IL1RAPL2: variants seen among roughly 807,000 people sequenced by gnomAD.
IL1RAPL2 encodes the protein interleukin 1 receptor accessory protein like 2.
A neutral mutation model predicts 44.1 loss-of-function variants in IL1RAPL2; 3 were observed. The ratio of observed to expected loss-of-function variants is 0.07; its 90% CI spans 0.03 to 0.18. The LOEUF (loss-of-function observed/expected upper bound fraction) is 0.18. Among genes scored for constraint, IL1RAPL2 ranks in the 10% least tolerant of loss-of-function variants. The pLI is 1.00. For synonymous variants in IL1RAPL2, 181 were observed against 178.8 expected (o/e 1.01, Z -0.10); for missense variants, 391 against 496.4 (o/e 0.79, Z 2.02).
At chrX:105,074,435 G>T (rs1211770571) in intron 2 of IL1RAPL2, among the ~76,000 whole-genome samples, 1 of 111,650 alleles carries the variant, frequency 9.0e-6, no homozygotes, top group Non-Finnish European at 1.9e-5. Flanking sequence ...TGCTGTTTTG[G>T]TTAGTGTAGC....
chrX:105,384,183 C>G (rs1177465982), intron 5 of IL1RAPL2, among the ~76,000 whole-genome samples: 3 of 111,542 alleles, frequency 2.7e-5, no homozygotes, highest in African/African-American at 9.8e-5. Flanking sequence ...AATTCCTTTC[C>G]CAGACCAATG....
chrX:105,620,956 T>C (rs1295479243), intron 6 of IL1RAPL2, among the ~76,000 whole-genome samples: 1 of 111,178 alleles, frequency 9.0e-6, no homozygotes, highest in Non-Finnish European at 1.9e-5. Context: ...ATTGGACCCA[T>C]GGCCTTGGCT....
chrX:104,825,032 ATACATTAAC>A (rs918865145), intron 2 of IL1RAPL2, among the ~76,000 whole-genome samples: 1 of 112,049 alleles, frequency 8.9e-6, no homozygotes, highest in Non-Finnish European at 1.9e-5. Context: ...TATAGACGAA[ATACATTAAC>A]TACATAGTGA....
intron 2 of IL1RAPL2, among the ~76,000 whole-genome samples, chrX:105,150,327 A>T (rs2033216224): frequency 8.9e-6 from 1 of 111,932 alleles, no homozygotes; most frequent in Admixed American, 9.5e-5. Flanking sequence ...CAAGGTCCTG[A>T]GGTACAAGCC....
intron 2 of IL1RAPL2, among the ~76,000 whole-genome samples, chrX:104,701,523 T>C (rs1350411133): frequency 1.2e-4 from 14 of 112,051 alleles, no homozygotes; most frequent in Admixed American, 5.7e-4. Flanking sequence ...TCAGGAATGC[T>C]CTAAGAGCTC....
intron 2 of IL1RAPL2, among the ~76,000 whole-genome samples, chrX:105,096,137 A>G (rs1169864387): frequency 4.5e-5 from 5 of 112,158 alleles, no homozygotes; most frequent in African/African-American, 9.7e-5. Flanking sequence ...TGACAATAAG[A>G]TATCATTTAA....
chrX:105,544,246 ATATT>A (rs2036769731), intron 6 of IL1RAPL2, among the ~76,000 whole-genome samples: 1 of 111,630 alleles, frequency 9.0e-6, no homozygotes, highest in Non-Finnish European at 1.9e-5. Flanking sequence ...ATTTTTCTGT[ATATT>A]AATTTTTGCA....
intron 2 of IL1RAPL2, among the ~76,000 whole-genome samples, chrX:104,990,009 T>C (rs1239743930): frequency 8.9e-6 from 1 of 112,064 alleles, no homozygotes; most frequent in East Asian, 2.8e-4. Context: ...CCACTCCTTG[T>C]TTTCTGTGAT....
At chrX:105,546,434 A>G (rs2036800105) in intron 6 of IL1RAPL2, among the ~76,000 whole-genome samples, 1 of 111,485 alleles carries the variant, frequency 9.0e-6, no homozygotes, top group African/African-American at 3.3e-5. Context: ...GATCATTAAA[A>G]TGGAGAGAAG....
chrX:104,607,310 A>G (rs1327062231), intron 1 of IL1RAPL2, among the ~76,000 whole-genome samples: 2 of 112,184 alleles, frequency 1.8e-5, no homozygotes, highest in African/African-American at 6.5e-5. Flanking sequence ...GGGCAGTACC[A>G]TTCAGGACAT....
chrX:105,543,806 TA>T (rs1265536924), intron 6 of IL1RAPL2, among the ~76,000 whole-genome samples: 1 of 112,301 alleles, frequency 8.9e-6, no homozygotes, highest in Non-Finnish European at 1.9e-5. Flanking sequence ...TTTCTTGTGA[TA>T]ATGCCACACT....
chrX:105,460,223 T>C (rs1222556286), intron 5 of IL1RAPL2, among the ~76,000 whole-genome samples: 1 of 111,315 alleles, frequency 9.0e-6, no homozygotes, highest in East Asian at 2.8e-4. Context: ...CAAAAATGTT[T>C]TAAGAATAGA....
At chrX:105,042,963 T>G (rs1224848653) in intron 2 of IL1RAPL2, among the ~76,000 whole-genome samples, 19 of 104,880 alleles carry the variant, frequency 1.8e-4, no homozygotes, top group Non-Finnish European at 3.3e-4. Context: ...TCATTCTCAG[T>G]AAACTATCGC....
chrX:105,025,657 A>C, intron 2 of IL1RAPL2, among the ~76,000 whole-genome samples: 1 of 111,666 alleles, frequency 9.0e-6, no homozygotes, highest in Non-Finnish European at 1.9e-5. Flanking sequence ...CAAAATAAAC[A>C]TGAAAATAAC....
intron 3 of IL1RAPL2, among the ~76,000 whole-genome samples, chrX:105,205,587 TAAAAAAAAAAAAAA>T (rs375473348): frequency 0.026 from 215 of 8,199 alleles, 3 homozygotes; most frequent in Non-Finnish European, 0.07. Flanking sequence ...AAGACTCTGT[TAAAAAAAAAAAAAA>T]AAAAAAAAAA....
intron 4 of IL1RAPL2, among the ~76,000 whole-genome samples, chrX:105,251,781 C>T (rs1478957457): frequency 1.8e-5 from 2 of 109,780 alleles, no homozygotes; most frequent in African/African-American, 3.3e-5. Context: ...TAATTAATAG[C>T]TGTTATATAC....
At chrX:104,670,579 A>G (rs1363953805) in intron 2 of IL1RAPL2, among the ~76,000 whole-genome samples, 2 of 36,685 alleles carry the variant, frequency 5.5e-5, no homozygotes. Context: ...ACACCACTCC[A>G]GTCATGTTTT....
intron 6 of IL1RAPL2, among the ~76,000 whole-genome samples, chrX:105,540,135 C>A (rs2036708981): frequency 9.0e-6 from 1 of 111,316 alleles, no homozygotes; most frequent in Non-Finnish European, 1.9e-5. Context: ...TTTTGAATTT[C>A]TCAATAAACT....
chrX:105,121,747 T>C (rs1286813168), intron 2 of IL1RAPL2, among the ~76,000 whole-genome samples: 1 of 111,601 alleles, frequency 9.0e-6, no homozygotes, highest in African/African-American at 3.3e-5. Flanking sequence ...CTCTTTTTCC[T>C]TCTAATTCTT....
Sources: gnomAD v4.1 joint callset for allele counts (sites outside exome capture counted in the v4.1 genomes callset) on GRCh38, gnomAD v4.1.1 for gene constraint, MANE v1.5 for transcripts, NCBI Gene and HGNC (gene_info 2026-07-23, HGNC 2026-07-21) for gene names.